Variants in RBM47 observed in about 807,000 individuals in gnomAD.
RBM47 encodes the protein RNA-binding protein 47.
Under a neutral mutation model 47.1 loss-of-function variants are expected in RBM47, and 21 were observed. The ratio of observed to expected loss-of-function variants is 0.45; its 90% CI spans 0.32 to 0.64. RBM47 has a LOEUF of 0.64. Ranked by LOEUF, RBM47 falls within the 30% of genes least tolerant of loss-of-function variation. RBM47 has a pLI of 0.05. For synonymous variants in RBM47, 375 were observed against 361.7 expected, an observed-to-expected ratio of 1.04 and a Z score of -0.42; for missense variants, 708 against 870.9, an observed-to-expected ratio of 0.81 and a Z score of 2.35.
chr4:40,579,499 ACT>A (rs1048632398), intron 1 of RBM47, among the ~76,000 whole-genome samples: 2 of 151,784 alleles, frequency 1.3e-5, no homozygotes, highest in Non-Finnish European at 2.9e-5. Flanking sequence ...TCTAGGTAAA[ACT>A]CTATAACTTT....
chr4:40,445,099 C>A (rs941315236), intron 3 of RBM47, among the ~76,000 whole-genome samples: 2 of 151,650 alleles, frequency 1.3e-5, no homozygotes, highest in Non-Finnish European at 2.9e-5. Flanking sequence ...ACGGTGAAAC[C>A]CCATCTCTAC....
At position 40,437,149 on chromosome 4, in the gene RBM47, AT is replaced by A. The variant is rs1178726316; in HGVS notation, c.1124-503del. 6.6e-3 allele frequency among the ~76,000 whole-genome samples: 369 copies of A among 56,122 alleles called. 8 individuals are homozygous for A. The highest frequency in any genetic ancestry group is 0.021 in the Middle Eastern group (2 of 96). The allele number at this position is 56,122 out of a possible 152,430, so 36.8% of individuals were successfully genotyped here. ...ATATATATAAAATACATATATATATATAAAATACATATATATATATATAATA... is the reference window on the plus strand; with the variant it reads ...ATATATATAAAATACATATATATATAAAAATACATATATATATATATAATA... On this transcript the variant is annotated intron_variant, in intron 4 of 6. Transcript: ENST00000295971.
intron 3 of RBM47, among the ~76,000 whole-genome samples, chr4:40,465,597 C>T (rs545006380): frequency 1.3e-5 from 2 of 151,744 alleles, no homozygotes; most frequent in East Asian, 2.0e-4. Flanking sequence ...GAGAATTGCT[C>T]GAACCCGGGA....
At chr4:40,466,280 A>G (rs1718010904) in intron 3 of RBM47, among the ~76,000 whole-genome samples, 2 of 151,808 alleles carry the variant, frequency 1.3e-5, no homozygotes, top group Non-Finnish European at 2.9e-5. Flanking sequence ...AAAAAAAAAA[A>G]AAAAAGAAAG....
In RBM47 at chr4:40,439,026, A is replaced by G. The variant is rs1031047435; in HGVS notation, c.-31-102T>C. ...AGTATGCATTAATAGGCCACGGGGA[A>G]GGGGAGGTGGTTTAAATGAGAAATA... On this transcript the variant is annotated intron_variant, in intron 3 of 6. Coordinates refer to ENST00000295971, the MANE Select transcript of RBM47 (RefSeq NM_001098634.2). 4 of 1,022,568 alleles carry G rather than the reference A, an allele frequency of 3.9e-6. No homozygotes were observed. The African/African-American group carries it at 6.5e-5, about 17-fold the overall frequency. 63.3% of individuals were successfully genotyped at this position (1,022,568 alleles called of 1,614,324 possible). A position where few individuals can be genotyped will look rare whatever the true frequency, so the allele number is the denominator to read the frequency against.
At position 40,619,265 on chromosome 4, in the gene RBM47, CA is replaced by C. The variant is rs989548582; in HGVS notation, c.-240+10130del. The stretch of plus-strand genomic sequence containing the variant: ...GCAAAAGAGTGAGACCCTGTCTCTA[CA>C]AAAAAATCAAAGAATTAGCTGAGTA... On this transcript the variant is annotated intron_variant, in intron 1 of 6. Coordinates refer to ENST00000295971, the MANE Select transcript of RBM47 (RefSeq NM_001098634.2). Among the ~76,000 whole-genome samples the C allele has an allele frequency of 1.1e-4, 17 of 152,004 alleles. No individual in the cohort carries two copies. The South Asian group carries it at 1.5e-3, about 13-fold the overall frequency.
chr4:40,607,299 G>A (rs1735851074), intron 1 of RBM47, among the ~76,000 whole-genome samples: 1 of 152,220 alleles, frequency 6.6e-6, no homozygotes, highest in South Asian at 2.1e-4. Flanking sequence ...GAGATGTCCA[G>A]ACAGGCAAAT....
chr4:40,618,980 C>A (rs1737003850), intron 1 of RBM47, among the ~76,000 whole-genome samples: 2 of 152,098 alleles, frequency 1.3e-5, no homozygotes, highest in Admixed American at 1.3e-4. Context: ...ATCAGAACCC[C>A]CCATCCTCAG....
At chr4:40,607,119 A>G (rs536889547) in intron 1 of RBM47, among the ~76,000 whole-genome samples, 1 of 152,354 alleles carries the variant, frequency 6.6e-6, no homozygotes, top group Admixed American at 6.5e-5. Context: ...CAACTGATGA[A>G]TGGATGAACA....
intron 1 of RBM47, among the ~76,000 whole-genome samples, chr4:40,573,083 G>T (rs1560478366): frequency 6.7e-6 from 1 of 148,902 alleles, no homozygotes; most frequent in Non-Finnish European, 1.5e-5. Flanking sequence ...AACCCAGGAG[G>T]CAGAGGTTGC....
chr4:40,532,086 C>T (rs1445168540), intron 2 of RBM47, among the ~76,000 whole-genome samples: 1 of 147,688 alleles, frequency 6.8e-6, no homozygotes, highest in Non-Finnish European at 1.5e-5. Flanking sequence ...TCTCAGTTCA[C>T]TGCAACCTCT....
chr4:40,577,058 C>T (rs531750415), intron 1 of RBM47, among the ~76,000 whole-genome samples: 3 of 152,118 alleles, frequency 2.0e-5, no homozygotes, highest in Non-Finnish European at 2.9e-5. Flanking sequence ...CTGGCAGTAA[C>T]GAATCATTAA....
chr4:40,532,684 C>T (rs899385731), intron 2 of RBM47, among the ~76,000 whole-genome samples: 2 of 145,504 alleles, frequency 1.4e-5, no homozygotes, highest in Admixed American at 7.0e-5. Context: ...TTTTTTGAGA[C>T]GCCTGGCCCA....
chr4:40,596,050 G>A (rs1398459520), intron 1 of RBM47, among the ~76,000 whole-genome samples: 1 of 152,248 alleles, frequency 6.6e-6, no homozygotes, highest in African/African-American at 2.4e-5. Context: ...CAGAAGACAA[G>A]GAAAGCTGCA....
At chr4:40,473,893 A>C (rs1719256511) in intron 2 of RBM47, among the ~76,000 whole-genome samples, 1 of 152,246 alleles carries the variant, frequency 6.6e-6, no homozygotes. Context: ...TACAGTGGAA[A>C]TATAATTTTA....
intron 2 of RBM47, chr4:40,514,533 C>A (rs1438777205): frequency 6.6e-6 from 1 of 152,184 alleles, no homozygotes; most frequent in East Asian, 1.9e-4. Context: ...GCACCTGGCG[C>A]TCTCTTTCCC....
chr4:40,566,181 A>G (rs1170694987), intron 1 of RBM47, among the ~76,000 whole-genome samples: 1 of 152,216 alleles, frequency 6.6e-6, no homozygotes, highest in African/African-American at 2.4e-5. Flanking sequence ...AAGTGGCTAC[A>G]CATTATTGAG....
At chr4:40,451,238 C>T (rs922552484) in intron 3 of RBM47, among the ~76,000 whole-genome samples, 1 of 139,900 alleles carries the variant, frequency 7.1e-6, no homozygotes, top group Non-Finnish European at 1.6e-5. Context: ...AAACGTGCAA[C>T]ATTTTTCAAG....
chr4:40,439,755 GGGAAATA>G (rs1187792626), intron 3 of RBM47, among the ~76,000 whole-genome samples: 1 of 152,150 alleles, frequency 6.6e-6, no homozygotes, highest in Non-Finnish European at 1.5e-5. Context: ...TTTGGTCATG[GGGAAATA>G]GGCTTAGGTT....
Sources: allele counts gnomAD v4.1 joint callset (sites outside exome capture counted in the v4.1 genomes callset), GRCh38; gene constraint gnomAD v4.1.1; transcripts MANE v1.5; gene names NCBI Gene and HGNC (gene_info 2026-07-23, HGNC 2026-07-21).